Variants in NDUFAF6 observed in about 807,000 individuals in gnomAD.
NDUFAF6 encodes the protein NADH:ubiquinone oxidoreductase complex assembly factor 6, also known as NADH dehydrogenase (ubiquinone) complex I, assembly factor 6.
In NDUFAF6, 45 loss-of-function variants were observed where a neutral mutation model predicts 40.8. The observed-to-expected ratio is 1.10, with a 90% CI of 0.87 to 1.42. The LOEUF (loss-of-function observed/expected upper bound fraction) is 1.42. NDUFAF6 is among the 40% of genes most tolerant of loss of function. The probability of loss-of-function intolerance (pLI) is 0.00; values close to 1 mark genes in which losing one functional copy is unlikely to be tolerated. For missense variants in NDUFAF6, 435 were observed against 418.5 expected (o/e 1.04, Z -0.34); for synonymous variants, 185 against 155.9 (o/e 1.19, Z -1.39).
downstream of NDUFAF6, among the ~76,000 whole-genome samples, chr8:95,078,890 C>T (rs181104462): frequency 6.6e-6 from 1 of 152,022 alleles, no homozygotes; most frequent in East Asian, 1.9e-4. Flanking sequence ...ATAGCCCATT[C>T]TTTTTTATTG....
chr8:95,090,663 C>T (rs768487584), intron 2 of NDUFAF6, among the ~76,000 whole-genome samples: 7 of 152,086 alleles, frequency 4.6e-5, no homozygotes, highest in Non-Finnish European at 8.8e-5. Context: ...TGTCAGTCAA[C>T]TTGATTGGAT....
intron 8 of NDUFAF6, among the ~76,000 whole-genome samples, chr8:95,056,386 G>A (rs922873098): frequency 2.0e-5 from 3 of 151,910 alleles, no homozygotes; most frequent in African/African-American, 7.2e-5. Flanking sequence ...AATTGTTTTT[G>A]TATTTTTTGA....
chr8:95,098,433 C>T (rs991629248), upstream of NDUFAF6, among the ~76,000 whole-genome samples: 4 of 151,920 alleles, frequency 2.6e-5, no homozygotes, highest in South Asian at 4.2e-4. Context: ...TTTGGGAGGC[C>T]GAGGCGGGCA....
chr8:95,114,616 T>C (rs1458816567), intron 4 of NDUFAF6, among the ~76,000 whole-genome samples: 1 of 152,242 alleles, frequency 6.6e-6, no homozygotes, highest in Non-Finnish European at 1.5e-5. Flanking sequence ...ACTGTACTTA[T>C]GAGTCATCTT....
intron 4 of NDUFAF6, chr8:95,115,433 T>C (rs1479092862): frequency 6.6e-6 from 1 of 152,212 alleles, no homozygotes; most frequent in Non-Finnish European, 1.5e-5. Context: ...TCTAGCTGTT[T>C]AAATGTGGTG....
intron 1 of NDUFAF6, among the ~76,000 whole-genome samples, chr8:94,958,596 A>G (rs891609193): frequency 2.4e-5 from 3 of 127,004 alleles, no homozygotes; most frequent in South Asian, 2.5e-4. Context: ...GTGCAGTGGC[A>G]TGATCTCAGC....
intron 2 of NDUFAF6, among the ~76,000 whole-genome samples, chr8:94,995,944 A>G (rs948275902): frequency 1.1e-4 from 17 of 152,010 alleles, no homozygotes; most frequent in Non-Finnish European, 2.4e-4. Flanking sequence ...CGCCCAGCCA[A>G]TTTTTGTACT....
intron 9 of NDUFAF6, among the ~76,000 whole-genome samples, chr8:95,070,411 C>G (rs995337029): frequency 1.3e-5 from 2 of 152,058 alleles, no homozygotes; most frequent in African/African-American, 4.8e-5. Context: ...TCAGAGAAAA[C>G]CAGGTCACTA....
At chr8:94,905,946 G>A (rs1399184690) in intron 1 of NDUFAF6, among the ~76,000 whole-genome samples, 1 of 152,222 alleles carries the variant, frequency 6.6e-6, no homozygotes, top group African/African-American at 2.4e-5. Context: ...CGAAGATACA[G>A]TTTGTAGGTG....
At chr8:95,036,202 C>G (rs1476402425) in intron 3 of NDUFAF6, 2 of 956,426 alleles carry the variant, frequency 2.1e-6, no homozygotes, top group East Asian at 1.3e-4. Flanking sequence ...ATCCCTCACT[C>G]ATAAGCAGCC....
chr8:94,902,561 GCTC>G (rs1455815130), intron 1 of NDUFAF6, among the ~76,000 whole-genome samples: 1 of 151,910 alleles, frequency 6.6e-6, no homozygotes, highest in Non-Finnish European at 1.5e-5. Context: ...TCAGTACTTT[GCTC>G]CTTTTTGTTG....
intron 2 of NDUFAF6, chr8:94,949,361 T>C (rs1458063763): frequency 2.0e-5 from 3 of 150,496 alleles, no homozygotes; most frequent in Non-Finnish European, 4.4e-5. Context: ...CCTTTTGTTG[T>C]TGTGCAGCGC....
At chr8:95,085,866 G>C (rs572478605) in intron 2 of NDUFAF6, among the ~76,000 whole-genome samples, 2 of 152,264 alleles carry the variant, frequency 1.3e-5, no homozygotes, top group East Asian at 1.9e-4. Flanking sequence ...TAGGGATGGG[G>C]CTTTATTAAT....
chr8:94,896,330 C>G (rs1302257438), intron 1 of NDUFAF6: 1 of 150,210 alleles, frequency 6.7e-6, no homozygotes, highest in Admixed American at 6.7e-5. Context: ...CGGGAGGGCG[C>G]CGTTCGCGCC....
chr8:94,931,609 C>CACATATATATAT (rs146282014), intron 1 of NDUFAF6, among the ~76,000 whole-genome samples: 2 of 151,562 alleles, frequency 1.3e-5, no homozygotes, highest in Non-Finnish European at 2.9e-5. Context: ...CACACACACA[C>CACATATATATAT]ATAAAATTTT....
chr8:95,038,033 G>A (rs560676615), intron 3 of NDUFAF6, among the ~76,000 whole-genome samples: 68 of 152,170 alleles, frequency 4.5e-4, no homozygotes, highest in East Asian at 1.9e-3. Context: ...ACAGGCATGC[G>A]CCACCACACC....
At chr8:95,082,690 C>G (rs1002092925) in intron 2 of NDUFAF6, among the ~76,000 whole-genome samples, 3 of 151,990 alleles carry the variant, frequency 2.0e-5, no homozygotes, top group African/African-American at 7.3e-5. Context: ...GACGGAGTCT[C>G]GCTCTGTCGC....
At chr8:95,098,690 G>A (rs1809551727), upstream of NDUFAF6, among the ~76,000 whole-genome samples, 1 of 151,022 alleles carries the variant, frequency 6.6e-6, no homozygotes, top group Non-Finnish European at 1.5e-5. Context: ...AAAAAACTAA[G>A]TCTTATTAAA....
upstream of NDUFAF6, among the ~76,000 whole-genome samples, chr8:95,022,783 G>T (rs767495654): frequency 9.9e-5 from 15 of 152,178 alleles, no homozygotes; most frequent in Admixed American, 3.9e-4. Context: ...CAAAATTTCT[G>T]CATGGCAAAG....
Sources: gnomAD v4.1 joint callset for allele counts (sites outside exome capture counted in the v4.1 genomes callset) on GRCh38, gnomAD v4.1.1 for gene constraint, MANE v1.5 for transcripts, NCBI Gene and HGNC (gene_info 2026-07-23, HGNC 2026-07-21) for gene names.